WNK1: variants seen among roughly 807,000 people sequenced by gnomAD.
WNK1 encodes serine/threonine-protein kinase WNK1.
In WNK1, 38 loss-of-function variants were observed where a neutral mutation model predicts 222.8. The ratio of observed to expected loss-of-function variants is 0.17; its 90% CI spans 0.13 to 0.22. WNK1 has a LOEUF of 0.22. Among genes scored for constraint, WNK1 ranks in the 10% least tolerant of loss-of-function variants. The pLI is 1.00. For synonymous variants in WNK1, 1,090 were observed against 1,092.9 expected (o/e 1.00, Z 0.05); for missense variants, 2,348 against 2,918.4 (o/e 0.80, Z 4.50).
chr12:809,974 G>A (rs10849561), intron 1 of WNK1, among the ~76,000 whole-genome samples: 3 of 151,850 alleles, frequency 2.0e-5, no homozygotes, highest in African/African-American at 7.3e-5. Flanking sequence ...AATAGAGGCC[G>A]GGCACGGTGG....
chr12:816,927 T>C (rs1947393806), intron 2 of WNK1, among the ~76,000 whole-genome samples: 1 of 152,024 alleles, frequency 6.6e-6, no homozygotes, highest in African/African-American at 2.4e-5. Context: ...TTTGTAAGTG[T>C]ATATGAAGTG....
At chr12:894,245 C>T (rs1405017466) in intron 22 of WNK1, among the ~76,000 whole-genome samples, 1 of 152,056 alleles carries the variant, frequency 6.6e-6, no homozygotes, top group Non-Finnish European at 1.5e-5. Context: ...TCCTTAATGT[C>T]CTCAGTAAAA....
At chr12:788,717 T>G (rs923434219) in intron 1 of WNK1, among the ~76,000 whole-genome samples, 1 of 152,102 alleles carries the variant, frequency 6.6e-6, no homozygotes, top group Non-Finnish European at 1.5e-5. Flanking sequence ...TGAAACCCCG[T>G]CTCTACTAAG....
rs371813651 is a variant in WNK1 at position 885,806 on chromosome 12, T to G, written c.5002T>G (p.Ser1668Ala). 25 of 1,614,184 alleles carry G rather than the reference T, an allele frequency of 1.5e-5. No homozygotes were observed. Among genetic ancestry groups the G allele is most frequent in the Non-Finnish European group, 2.0e-5 (24 of 1,180,042 alleles). The change falls in exon 19 of 28, where the codon TCA (serine) becomes GCA (alanine). Residue 1668 changes from serine to alanine, a missense_variant. Coordinates refer to ENST00000315939, the MANE Select transcript of WNK1 (RefSeq NM_018979.4). ...GCGGTCTCTGTTCAGTGAACACAGC[T>G]CATCTGGAGCTCAGCATGCCTCTGT... The part of the protein sequence containing the change: ...KLRSLFSEHS[S>A]SGAQHASVSL...
chr12:849,355 GT>G (rs1051365512), intron 4 of WNK1, among the ~76,000 whole-genome samples: 44 of 152,244 alleles, frequency 2.9e-4, no homozygotes, highest in African/African-American at 9.6e-4. Flanking sequence ...ACTTTAATCT[GT>G]TACCCATTAC....
At chr12:800,143 CA>C (rs202123316) in intron 1 of WNK1, among the ~76,000 whole-genome samples, 1 of 150,822 alleles carries the variant, frequency 6.6e-6, no homozygotes, top group African/African-American at 2.4e-5. Context: ...GACCCTCTGT[CA>C]AAAAAAAATT....
At chr12:890,554 C>A in intron 22 of WNK1, 41 bp downstream of exon 22, 1 of 1,606,074 alleles carries the variant, frequency 6.2e-7, no homozygotes, top group Non-Finnish European at 8.5e-7. Context: ...CTAATTCCAG[C>A]CCTACCCGTA....
chr12:827,496 A>G lies in WNK1; in HGVS notation c.1153+234A>G. The stretch of plus-strand genomic sequence containing the variant: ...ACAAGAAATAAAGTGAACTTTGTTG[A>G]TAAAACCTAATGTAATAGCCTTTTT... On this transcript the variant is annotated intron_variant, in intron 3 of 27. Coordinates refer to ENST00000315939, the MANE Select transcript of WNK1 (RefSeq NM_018979.4). The surrounding 1 kb of genome is among the most constrained non-coding windows in gnomAD (Gnocchi z 4.6). 1 of 577,876 alleles carries G rather than the reference A, an allele frequency of 1.7e-6. No individual in the cohort carries two copies. Among genetic ancestry groups the G allele is most frequent in the East Asian group, 2.8e-5 (1 of 35,772 alleles). 35.8% of individuals were successfully genotyped at this position (577,876 alleles called of 1,614,324 possible).
chr12:845,842 C>T (rs977742462), intron 4 of WNK1, among the ~76,000 whole-genome samples: 7 of 152,154 alleles, frequency 4.6e-5, no homozygotes, highest in Non-Finnish European at 1.0e-4. Context: ...CACATAAAAT[C>T]AAGCTTTAAA....
At chr12:816,803 C>A in intron 2 of WNK1, among the ~76,000 whole-genome samples, 1 of 152,030 alleles carries the variant, frequency 6.6e-6, no homozygotes. Context: ...CAAATCACAC[C>A]AATGAAGGTG....
intron 19 of WNK1, 136 bp from the exon 20 acceptor site, chr12:887,085 C>T: frequency 1.2e-6 from 1 of 814,872 alleles, no homozygotes; most frequent in South Asian, 1.4e-5. Flanking sequence ...CAGAGAGTAA[C>T]CTCAGTGATA....
intron 1 of WNK1, among the ~76,000 whole-genome samples, chr12:806,718 T>G (rs1946393449): frequency 1.3e-5 from 2 of 152,204 alleles, no homozygotes; most frequent in Admixed American, 1.3e-4. Context: ...AAATAGGGAA[T>G]GAGTGATTTG....
At chr12:848,113 G>C (rs1357052251) in intron 4 of WNK1, among the ~76,000 whole-genome samples, 1 of 152,044 alleles carries the variant, frequency 6.6e-6, no homozygotes, top group African/African-American at 2.4e-5. Context: ...CTGGCTAATG[G>C]ATTAATTCTA....
intron 1 of WNK1, among the ~76,000 whole-genome samples, chr12:799,052 C>G (rs1945620126): frequency 6.6e-6 from 1 of 152,056 alleles, no homozygotes; most frequent in Non-Finnish European, 1.5e-5. Context: ...ACAACCTTCC[C>G]CCCGTCCCCA....
At chr12:754,860 ATGT>A (rs997169409) in intron 1 of WNK1, among the ~76,000 whole-genome samples, 6 of 152,120 alleles carry the variant, frequency 3.9e-5, no homozygotes, top group African/African-American at 1.4e-4. Context: ...TGGATGTTTG[ATGT>A]TGTTCTACCT....
intron 26 of WNK1, among the ~76,000 whole-genome samples, chr12:907,335 A>AC (rs397940231): frequency 6.6e-6 from 1 of 151,036 alleles, no homozygotes; most frequent in African/African-American, 2.4e-5. Flanking sequence ...AAAAAAAAAA[A>AC]GGCTAAAGAA....
chr12:843,744 C>G (rs1949802369), intron 4 of WNK1, among the ~76,000 whole-genome samples: 1 of 152,160 alleles, frequency 6.6e-6, no homozygotes, highest in Admixed American at 6.5e-5. Context: ...AAGTGCAGTC[C>G]TCAGACCAAC....
chr12:836,415 T>C (rs1031671544), intron 4 of WNK1, among the ~76,000 whole-genome samples: 9 of 152,352 alleles, frequency 5.9e-5, no homozygotes, highest in Middle Eastern at 3.4e-3. Flanking sequence ...ATTTGTTGTA[T>C]TTGACATATA....
At position 880,033 on chromosome 12, in the gene WNK1, T is replaced by C. The variant is rs773316884; in HGVS notation, c.2832+2T>C. The C allele has an allele frequency of 1.9e-6, 3 of 1,613,846 alleles. No individual in the cohort carries two copies. In the South Asian group the frequency reaches 3.3e-5, roughly 18 times the overall value. ...TCCTCTGGAGATGTTCTGTACCAGGTATTGTGTTAGTTAGCAAAAGAGGGC... is the reference window on the plus strand; with the variant it reads ...TCCTCTGGAGATGTTCTGTACCAGGCATTGTGTTAGTTAGCAAAAGAGGGC... On this transcript the variant is annotated splice_donor_variant, in intron 11 of 27. Coordinates refer to ENST00000315939, the MANE Select transcript of WNK1 (RefSeq NM_018979.4). LOFTEE classifies it high-confidence loss of function.
Sources: gnomAD v4.1 joint callset for allele counts (sites outside exome capture counted in the v4.1 genomes callset) on GRCh38, gnomAD v4.1.1 for gene constraint, Gnocchi (gnomAD v3.1) non-coding constraint, MANE v1.5 for transcripts, NCBI Gene and HGNC (gene_info 2026-07-23, HGNC 2026-07-21) for gene names.